SMARCA2: variants seen among roughly 807,000 people sequenced by gnomAD.
SMARCA2 encodes the protein SWI/SNF-related matrix-associated actin-dependent regulator of chromatin subfamily A member 2.
SMARCA2 carries 61 observed loss-of-function variants against 199.8 expected under a neutral mutation model. The observed-to-expected ratio is 0.31, with a 90% CI of 0.25 to 0.38. The LOEUF is 0.38. Ranked by LOEUF, SMARCA2 falls within the 10% of genes least tolerant of loss-of-function variation. SMARCA2 has a pLI of 1.00. For missense variants in SMARCA2, 1,344 were observed against 2,012.2 expected (o/e 0.67, Z 6.35); for synonymous variants, 935 against 732.0 (o/e 1.28, Z -4.48).
intron 13 of SMARCA2, 109 bp downstream of exon 13, chr9:2,076,438 T>G (rs1821326988): frequency 4.1e-6 from 3 of 734,090 alleles, no homozygotes; most frequent in Middle Eastern, 2.5e-4. Context: ...ACGCCTACAC[T>G]CTGCTTGAAA....
rs1312429932 is a variant in SMARCA2, at chr9:2,016,791, C to G, written c.-37+1387C>G. ...GAGTTTGCTTTATTCCCATCCCAAC[C>G]TGGTTTACCCCTTCCTTTGCTCTCC... On this transcript the variant is annotated intron_variant, in intron 1 of 33. Transcript: ENST00000349721. The surrounding 1 kb of genome is among the most constrained non-coding windows in gnomAD (Gnocchi z 5.6). 6.6e-6 allele frequency among the ~76,000 whole-genome samples: 1 copy of G among 152,214 alleles called. No homozygotes were observed. The highest frequency in any genetic ancestry group is 1.5e-5 in the Non-Finnish European group (1 of 68,020).
At chr9:2,144,624 AG>A (rs1404621064) in intron 27 of SMARCA2, among the ~76,000 whole-genome samples, 2 of 152,132 alleles carry the variant, frequency 1.3e-5, no homozygotes, top group Non-Finnish European at 2.9e-5. Flanking sequence ...CACCATATGG[AG>A]GATTGGAGTC....
At chr9:2,050,296 T>C (rs771366428) in intron 5 of SMARCA2, among the ~76,000 whole-genome samples, 9 of 152,166 alleles carry the variant, frequency 5.9e-5, no homozygotes, top group Non-Finnish European at 1.2e-4. Flanking sequence ...CCATAGTAAG[T>C]GTCAGAGAGA....
chr9:2,148,124 C>T (rs1239630109), intron 27 of SMARCA2, among the ~76,000 whole-genome samples: 1 of 151,696 alleles, frequency 6.6e-6, no homozygotes, highest in African/African-American at 2.4e-5. Flanking sequence ...AGAAACTCAC[C>T]TTTTTGGAGT....
At chr9:2,189,852 T>A (rs1489798871) in intron 32 of SMARCA2, among the ~76,000 whole-genome samples, 41 of 152,118 alleles carry the variant, frequency 2.7e-4, no homozygotes, top group Non-Finnish European at 7.3e-5. Context: ...TGTGGGAGAT[T>A]TTAGTTTTGG....
chr9:2,192,454 C>G (rs1827949597), intron 33 of SMARCA2: 3 of 493,836 alleles, frequency 6.1e-6, no homozygotes, highest in East Asian at 3.7e-5. Context: ...CCTTTCAAGC[C>G]AAAGTGAAAG....
chr9:2,168,272 A>G lies in SMARCA2; in HGVS notation c.4200-2147A>G, dbSNP rs144126143. Among the ~76,000 whole-genome samples, 111 of 152,162 alleles carry G rather than the reference A, an allele frequency of 7.3e-4. 1 individual carries two copies. The highest frequency in any genetic ancestry group is 2.5e-3 in the African/African-American group (103 of 41,520). The stretch of plus-strand genomic sequence containing the variant: ...GTGATCTGCCTTTCTCAGCCTCCCA[A>G]AGTGCTGGGATTACAGGCGTGAGCC... On this transcript the variant is annotated intron_variant, in intron 28 of 33. Transcript: ENST00000349721.
chr9:2,073,431 C>A lies in SMARCA2; in HGVS notation c.1877+89C>A, dbSNP rs898075041. ...GATCTCGAAACTAAAACTACACAGCCTTTGCTGAGATGGTTGAAGTTGTTA... is the reference window on the plus strand; with the variant it reads ...GATCTCGAAACTAAAACTACACAGCATTTGCTGAGATGGTTGAAGTTGTTA... On this transcript the variant is annotated intron_variant, in intron 11 of 33. Coordinates refer to ENST00000349721, the MANE Select transcript of SMARCA2 (RefSeq NM_003070.5). 16 of 1,552,092 alleles carry A rather than the reference C, an allele frequency of 1.0e-5. No homozygotes were observed. The South Asian group carries it at 1.7e-4, about 17-fold the overall frequency.
rs766422705 is a variant in SMARCA2, at chr9:2,084,081, T to C, written c.2416-5T>C. ...TCATGCATGTATTTTTTTCTTTCCA[T>C]TCAGGGTACTCCTGCCATGCGTCGC... On this transcript the variant is annotated splice_region_variant and splice_polypyrimidine_tract_variant and intron_variant, in intron 16 of 33. Transcript: ENST00000349721. The C allele has an allele frequency of 6.3e-7, 1 of 1,574,858 alleles. No individual in the cohort carries two copies. The highest frequency in any genetic ancestry group is 8.7e-7 in the Non-Finnish European group (1 of 1,144,796).
intron 27 of SMARCA2, among the ~76,000 whole-genome samples, chr9:2,152,256 C>G (rs1418811106): frequency 1.3e-5 from 2 of 152,198 alleles, no homozygotes; most frequent in Non-Finnish European, 2.9e-5. Flanking sequence ...CTATCAAGAA[C>G]TTAAGTGAAG....
intron 19 of SMARCA2, among the ~76,000 whole-genome samples, chr9:2,092,857 G>A (rs1248705272): frequency 6.6e-6 from 1 of 152,180 alleles, no homozygotes; most frequent in Non-Finnish European, 1.5e-5. Context: ...ATATTTTGAG[G>A]AGCTTTCACA....
chr9:2,134,591 G>C (rs1216567647), intron 27 of SMARCA2, among the ~76,000 whole-genome samples: 3 of 152,192 alleles, frequency 2.0e-5, no homozygotes, highest in African/African-American at 7.2e-5. Flanking sequence ...CAGGAGCCTG[G>C]AATGTGAGTT....
chr9:2,178,644 G>A (rs970615987), intron 29 of SMARCA2, among the ~76,000 whole-genome samples: 6 of 151,934 alleles, frequency 3.9e-5, no homozygotes, highest in Non-Finnish European at 8.8e-5. Flanking sequence ...AAAAGCCCTC[G>A]CTCAGCTCAA....
At chr9:2,060,586 C>G (rs988599108) in intron 8 of SMARCA2, among the ~76,000 whole-genome samples, 1 of 152,226 alleles carries the variant, frequency 6.6e-6, no homozygotes, top group African/African-American at 2.4e-5. Context: ...TACAGTGTGG[C>G]TTTGTGCCCG....
Position 2,060,802 on chromosome 9 carries a change from T to G in SMARCA2, c.1522-14T>G, listed in dbSNP as rs1226257317. On this transcript the variant is annotated splice_polypyrimidine_tract_variant and intron_variant, in intron 8 of 33. Coordinates refer to ENST00000349721, the MANE Select transcript of SMARCA2 (RefSeq NM_003070.5). ...TTATATTATGCTCTCATCCTGCTCTTCTTTCCTTAATAGGCTGAAGATGAG... is the reference window on the plus strand; with the variant it reads ...TTATATTATGCTCTCATCCTGCTCTGCTTTCCTTAATAGGCTGAAGATGAG... The G allele has an allele frequency of 1.2e-6, 2 of 1,612,790 alleles. No homozygotes were observed. The highest frequency in any genetic ancestry group is 2.7e-5 in the African/African-American group (2 of 74,900).
intron 27 of SMARCA2, among the ~76,000 whole-genome samples, chr9:2,155,020 C>T (rs1825275498): frequency 6.6e-6 from 1 of 152,136 alleles, no homozygotes; most frequent in Admixed American, 6.5e-5. Context: ...CTTGCAGGGT[C>T]TCAAGATCAT....
At chr9:2,062,029 C>T (rs1435800042) in intron 9 of SMARCA2, among the ~76,000 whole-genome samples, 2 of 152,100 alleles carry the variant, frequency 1.3e-5, no homozygotes, top group African/African-American at 2.4e-5. Flanking sequence ...GCATTATAGA[C>T]TGTGCAAAAC....
At chr9:2,030,411 G>A (rs1435260593) in intron 2 of SMARCA2, among the ~76,000 whole-genome samples, 1 of 152,056 alleles carries the variant, frequency 6.6e-6, no homozygotes, top group Non-Finnish European at 1.5e-5. Flanking sequence ...AGAACCAGGA[G>A]AACTGATGAT....
rs755574458 is a variant in SMARCA2, at chr9:2,086,789, C to T, written c.2527-40C>T. On this transcript the variant is annotated intron_variant, in intron 17 of 33. Coordinates refer to ENST00000349721, the MANE Select transcript of SMARCA2 (RefSeq NM_003070.5). This position sits in a 1 kb window ranked among gnomAD's most constrained non-coding sequence, Gnocchi z 4.3. ...GCTTGTTGGAAATAGTTGTATTTTC[C>T]CTTGCTTACTACACGTCCGTCCTTC... 3.1e-6 allele frequency: 5 copies of T among 1,609,566 alleles called. No individual in the cohort carries two copies. In the South Asian group the frequency reaches 5.5e-5, roughly 18 times the overall value.
Sources: gnomAD v4.1 joint callset for allele counts (sites outside exome capture counted in the v4.1 genomes callset) on GRCh38, gnomAD v4.1.1 for gene constraint, Gnocchi (gnomAD v3.1) non-coding constraint, MANE v1.5 for transcripts, NCBI Gene and HGNC (gene_info 2026-07-23, HGNC 2026-07-21) for gene names.